CNTNAP4: variants seen among roughly 807,000 people sequenced by gnomAD.
CNTNAP4 encodes the protein contactin associated protein family member 4.
In CNTNAP4, 98 loss-of-function variants were observed where a neutral mutation model predicts 148.4. The observed-to-expected ratio is 0.66, with a 90% CI of 0.56 to 0.78. The LOEUF is 0.78. CNTNAP4 is among the 30% of genes least tolerant of loss of function. CNTNAP4 has a pLI of 0.00. For missense variants in CNTNAP4, 1,935 were observed against 1,565.6 expected, an observed-to-expected ratio of 1.24 and a Z score of -3.98; for synonymous variants, 730 against 565.1, an observed-to-expected ratio of 1.29 and a Z score of -4.14.
chr16:76,288,783 A>G (rs956352833), intron 1 of CNTNAP4, among the ~76,000 whole-genome samples: 5 of 151,998 alleles, frequency 3.3e-5, no homozygotes, highest in Non-Finnish European at 7.4e-5. Flanking sequence ...GATAATTTGT[A>G]TTTTTTTTCA....
At chr16:76,489,992 G>A (rs1440645463) in intron 13 of CNTNAP4, 109 bp downstream of exon 13, 2 of 572,586 alleles carry the variant, frequency 3.5e-6, no homozygotes, top group Non-Finnish European at 2.9e-6. Context: ...GCCACTGAGG[G>A]TATATGATCT....
chr16:76,418,863 G>C (rs549941613), intron 3 of CNTNAP4, among the ~76,000 whole-genome samples: 1 of 151,912 alleles, frequency 6.6e-6, no homozygotes, highest in African/African-American at 2.4e-5. Context: ...GCTAAGAAAT[G>C]GGTTACAGTT....
intron 3 of CNTNAP4, among the ~76,000 whole-genome samples, chr16:76,415,603 T>A (rs1224865209): frequency 6.6e-6 from 1 of 150,554 alleles, no homozygotes; most frequent in Non-Finnish European, 1.5e-5. Flanking sequence ...CCAAATAAAG[T>A]GCAGAAATTG....
At chr16:76,410,593 A>G (rs2078758384) in intron 3 of CNTNAP4, among the ~76,000 whole-genome samples, 1 of 151,776 alleles carries the variant, frequency 6.6e-6, no homozygotes, top group Non-Finnish European at 1.5e-5. Context: ...CTCTGCTCCC[A>G]AATGACAGAT....
chr16:76,412,847 ACTC>A lies in CNTNAP4; in HGVS notation c.391-14602_391-14600del, dbSNP rs998742947. Among the ~76,000 whole-genome samples, 27 of 151,422 alleles carry A rather than the reference ACTC, an allele frequency of 1.8e-4. 1 individual carries two copies. The highest frequency in any genetic ancestry group is 6.5e-4 in the African/African-American group (27 of 41,438). Reference sequence around the variant, plus strand: ...CTTTCATGGTTAAGAAAATCGTTGAACTCCTTAAAATCGTGAAAATATTCAGCT... The same window carrying A: ...CTTTCATGGTTAAGAAAATCGTTGAACTTAAAATCGTGAAAATATTCAGCT... On this transcript the variant is annotated intron_variant, in intron 3 of 23. Transcript: ENST00000611870.
At chr16:76,369,022 GT>G (rs983541946) in intron 3 of CNTNAP4, among the ~76,000 whole-genome samples, 5 of 147,508 alleles carry the variant, frequency 3.4e-5, no homozygotes, top group Admixed American at 3.4e-4. Context: ...TAAAGCCTTA[GT>G]TTTTTTTGTT....
chr16:76,363,948 TATATA>T (rs1046974417), intron 3 of CNTNAP4, among the ~76,000 whole-genome samples: 7 of 151,970 alleles, frequency 4.6e-5, no homozygotes, highest in African/African-American at 1.7e-4. Context: ...TTTACCTTAA[TATATA>T]ATATACAAAA....
At chr16:76,514,912 A>G (rs1418099722) in intron 15 of CNTNAP4, among the ~76,000 whole-genome samples, 14 of 152,208 alleles carry the variant, frequency 9.2e-5, no homozygotes, top group Non-Finnish European at 1.8e-4. Flanking sequence ...TGCACTGATT[A>G]CTAAAATATT....
intron 23 of CNTNAP4, chr16:76,558,026 T>G (rs1171649146): frequency 2.0e-5 from 3 of 152,430 alleles, no homozygotes; most frequent in African/African-American, 4.8e-5. Context: ...AATGATTTAT[T>G]TACATAACCC....
chr16:76,283,040 T>G (rs16944135), intron 1 of CNTNAP4, among the ~76,000 whole-genome samples: 10,525 of 151,780 alleles, frequency 0.069, 1,258 homozygotes, highest in African/African-American at 0.24. Flanking sequence ...CTCAAAGAGC[T>G]TAACTGAAAT....
chr16:76,365,081 C>A (rs932051921), intron 3 of CNTNAP4, among the ~76,000 whole-genome samples: 3 of 152,156 alleles, frequency 2.0e-5, no homozygotes, highest in Non-Finnish European at 4.4e-5. Flanking sequence ...TCAGTTTCAG[C>A]TTTCTGCATA....
intron 2 of CNTNAP4, among the ~76,000 whole-genome samples, chr16:76,332,076 T>C (rs8044474): frequency 0.014 from 2,120 of 152,336 alleles, 39 homozygotes; most frequent in African/African-American, 0.048. Context: ...AAATCTGCTG[T>C]TGAGGACCCT....
chr16:76,296,563 C>T (rs1255780003), intron 1 of CNTNAP4, among the ~76,000 whole-genome samples: 1 of 152,018 alleles, frequency 6.6e-6, no homozygotes, highest in Non-Finnish European at 1.5e-5. Context: ...TACCAAGTGC[C>T]TGCCATATTG....
At chr16:76,392,516 G>T (rs1361110147) in intron 3 of CNTNAP4, among the ~76,000 whole-genome samples, 4 of 151,998 alleles carry the variant, frequency 2.6e-5, no homozygotes, top group Non-Finnish European at 5.9e-5. Flanking sequence ...TTTTTTTCAA[G>T]AAGACAATGT....
chr16:76,464,206 A>G (rs2081091467), intron 9 of CNTNAP4, among the ~76,000 whole-genome samples: 1 of 152,120 alleles, frequency 6.6e-6, no homozygotes, highest in African/African-American at 2.4e-5. Context: ...TGGGCTGAAA[A>G]TTCTGGATCC....
At chr16:76,359,256 A>G (rs922733443) in intron 3 of CNTNAP4, among the ~76,000 whole-genome samples, 1 of 152,234 alleles carries the variant, frequency 6.6e-6, no homozygotes, top group Non-Finnish European at 1.5e-5. Flanking sequence ...ATTTCCTTTA[A>G]GAGCTTCACA....
intron 3 of CNTNAP4, among the ~76,000 whole-genome samples, chr16:76,357,839 A>G (rs919992272): frequency 3.3e-5 from 5 of 152,102 alleles, no homozygotes; most frequent in Non-Finnish European, 5.9e-5. Context: ...TCTTTTCCCT[A>G]TAGATATTGA....
chr16:76,503,526 T>TTA lies in CNTNAP4; in HGVS notation c.2365+4838_2365+4839dup, dbSNP rs530446493. ...TTCAAGGTCAATATTCAAAAGTGAATTATATATTTTTTATTATTATACTTT... is the reference window on the plus strand; with the variant it reads ...TTCAAGGTCAATATTCAAAAGTGAATTATATATATTTTTTATTATTATACTTT... On this transcript the variant is annotated intron_variant, in intron 15 of 23. Transcript: ENST00000611870. 3.6e-3 allele frequency among the ~76,000 whole-genome samples: 541 copies of TTA among 152,296 alleles called. 2 individuals are homozygous for TTA. Among genetic ancestry groups the TTA allele is most frequent in the African/African-American group, 0.012 (518 of 41,562 alleles).
Position 76,355,391 on chromosome 16 carries a change from G to A in CNTNAP4, c.270G>A (p.Glu90=), listed in dbSNP as rs772544918. ...AGATTGACCTTGGAGAGAGAATGGA[G>A]GTCACCGCTGTGGCCACTCAAGGGG... The part of the protein sequence containing the change: ...WLQIDLGERM[E]VTAVATQGGY... The change falls in exon 3 of 24, where the codon GAG becomes GAA. Residue 90 remains glutamate (E), a synonymous_variant. Coordinates refer to ENST00000611870, the MANE Select transcript of CNTNAP4 (RefSeq NM_033401.5). 1.9e-6 allele frequency: 3 copies of A among 1,609,906 alleles called. No individual in the cohort carries two copies. Among genetic ancestry groups the A allele is most frequent in the Non-Finnish European group, 2.5e-6 (3 of 1,177,750 alleles).
Sources: gnomAD v4.1 joint callset for allele counts (sites outside exome capture counted in the v4.1 genomes callset) on GRCh38, gnomAD v4.1.1 for gene constraint, MANE v1.5 for transcripts, NCBI Gene and HGNC (gene_info 2026-07-23, HGNC 2026-07-21) for gene names.